Variants in ADAMTS18 observed in about 807,000 individuals in gnomAD.
ADAMTS18 encodes A disintegrin and metalloproteinase with thrombospondin motifs 18.
Under a neutral mutation model 165.9 loss-of-function variants are expected in ADAMTS18, and 157 were observed. That is an observed-to-expected ratio of 0.95 (90% CI 0.83 to 1.08). The LOEUF (loss-of-function observed/expected upper bound fraction) is 1.08. Ranked by LOEUF, ADAMTS18 falls within the 50% of genes least tolerant of loss-of-function variation. The pLI is 0.00. For missense variants in ADAMTS18, 2,040 were observed against 1,534.0 expected (o/e 1.33, Z -5.51); for synonymous variants, 782 against 578.2 (o/e 1.35, Z -5.06).
chr16:77,358,576 G>GA (rs2056666077), intron 8 of ADAMTS18, among the ~76,000 whole-genome samples: 1 of 152,018 alleles, frequency 6.6e-6, no homozygotes, highest in Admixed American at 6.6e-5. Flanking sequence ...AAAGAAAAAA[G>GA]ATAGCAGCAC....
chr16:77,333,200 C>A (rs962689589), intron 12 of ADAMTS18, among the ~76,000 whole-genome samples: 1 of 152,094 alleles, frequency 6.6e-6, no homozygotes, highest in African/African-American at 2.4e-5. Flanking sequence ...TCCCTCGGTG[C>A]ACATGGACTT....
chr16:77,428,313 T>C (rs1406781832), intron 3 of ADAMTS18, among the ~76,000 whole-genome samples: 1 of 152,174 alleles, frequency 6.6e-6, no homozygotes, highest in African/African-American at 2.4e-5. Flanking sequence ...GAATCATCTA[T>C]GATTCTGAAT....
intron 22 of ADAMTS18, among the ~76,000 whole-genome samples, chr16:77,287,916 C>A (rs764618739): frequency 2.0e-5 from 3 of 151,912 alleles, no homozygotes; most frequent in Non-Finnish European, 4.4e-5. Context: ...AGAACAGGAC[C>A]TTTTAAGAAT....
At chr16:77,318,984 A>G (rs2055937319) in intron 16 of ADAMTS18, among the ~76,000 whole-genome samples, 1 of 152,222 alleles carries the variant, frequency 6.6e-6, no homozygotes, top group African/African-American at 2.4e-5. Context: ...CATGAGGACT[A>G]AAGAAAATGT....
rs1043270677 is a variant in ADAMTS18, at chr16:77,379,026, T to G, written c.496-11303A>C. ...AAATTCTTACAGAAGTAACTGAAGATATTTAAAGACAGAAGAGAAACCATA... is the reference window on the plus strand; with the variant it reads ...AAATTCTTACAGAAGTAACTGAAGAGATTTAAAGACAGAAGAGAAACCATA... On this transcript the variant is annotated intron_variant, in intron 3 of 22. Transcript: ENST00000282849. 4.7e-5 allele frequency: 7 copies of G among 149,142 alleles called. No individual in the cohort carries two copies. In the Admixed American group the frequency reaches 4.9e-4, roughly 10 times the overall value. The allele number at this position is 149,142 out of a possible 1,614,324, so 9.2% of individuals were successfully genotyped here.
intron 4 of ADAMTS18, among the ~76,000 whole-genome samples, chr16:77,365,136 C>A (rs909006053): frequency 1.3e-5 from 2 of 151,798 alleles, no homozygotes; most frequent in Non-Finnish European, 2.9e-5. Context: ...ACGCATTTAC[C>A]TTTAAGATAG....
At chr16:77,322,294 A>G in intron 14 of ADAMTS18, 42 bp downstream of exon 14, 1 of 1,611,800 alleles carries the variant, frequency 6.2e-7, no homozygotes, top group Non-Finnish European at 8.5e-7. Context: ...ATGATAAAAC[A>G]CAAGCATGCT....
At chr16:77,389,304 C>CA (rs2057153297) in intron 3 of ADAMTS18, among the ~76,000 whole-genome samples, 1 of 152,034 alleles carries the variant, frequency 6.6e-6, no homozygotes, top group Admixed American at 6.6e-5. Context: ...GACTTTATCT[C>CA]AAAAAACAAA....
rs147536901 is a variant in ADAMTS18 at position 77,407,256 on chromosome 16, T to C, written c.495+24039A>G. On this transcript the variant is annotated intron_variant, in intron 3 of 22. Transcript: ENST00000282849. Reference sequence around the variant, plus strand: ...TTCCATTTTAAATAGCATAAAAATATCAAACAGGCACGAATAACAATCTAA... The same window carrying C: ...TTCCATTTTAAATAGCATAAAAATACCAAACAGGCACGAATAACAATCTAA... Among the ~76,000 whole-genome samples, 255 of 152,150 alleles carry C rather than the reference T, an allele frequency of 1.7e-3. 2 individuals are homozygous for C. The highest frequency in any genetic ancestry group is 6.0e-3 in the African/African-American group (251 of 41,536).
At chr16:77,344,058 C>CAA (rs1024445327) in intron 10 of ADAMTS18, among the ~76,000 whole-genome samples, 3 of 135,004 alleles carry the variant, frequency 2.2e-5, no homozygotes, top group Non-Finnish European at 3.2e-5. Context: ...CACAAACACT[C>CAA]AAAAAAAAAA....
intron 3 of ADAMTS18, among the ~76,000 whole-genome samples, chr16:77,410,517 G>C (rs1326859639): frequency 1.3e-5 from 2 of 152,128 alleles, no homozygotes; most frequent in Non-Finnish European, 2.9e-5. Context: ...AAAGATGGCA[G>C]TTTGAGAACT....
chr16:77,294,033 A>C (rs2144574230), intron 19 of ADAMTS18, among the ~76,000 whole-genome samples: 1 of 150,724 alleles, frequency 6.6e-6, no homozygotes, highest in South Asian at 2.1e-4. Flanking sequence ...ATTAATCAGA[A>C]AGCAGCACCC....
intron 16 of ADAMTS18, among the ~76,000 whole-genome samples, chr16:77,314,788 A>ATATATATATATATATATATATATATG (rs2055857442): frequency 1.1e-5 from 1 of 88,464 alleles, no homozygotes; most frequent in Non-Finnish European, 2.3e-5. Flanking sequence ...ATATATATAA[A>ATATATATATATATATATATATATATG]ATATATGTGA....
chr16:77,366,217 G>C (rs1287219805), intron 4 of ADAMTS18, among the ~76,000 whole-genome samples: 2 of 152,156 alleles, frequency 1.3e-5, no homozygotes, highest in African/African-American at 4.8e-5. Context: ...CAGCTACTGA[G>C]CCACAGAAGA....
intron 10 of ADAMTS18, among the ~76,000 whole-genome samples, chr16:77,347,023 G>C (rs1257233891): frequency 6.6e-6 from 1 of 152,116 alleles, no homozygotes; most frequent in African/African-American, 2.4e-5. Context: ...GGTGAGTGTT[G>C]CCTATTCTCT....
intron 12 of ADAMTS18, among the ~76,000 whole-genome samples, chr16:77,332,626 T>G (rs2056208260): frequency 6.6e-6 from 1 of 152,172 alleles, no homozygotes; most frequent in Admixed American, 6.5e-5. Context: ...CTGGGCTCTG[T>G]CTACATCATT....
chr16:77,432,684 C>A (rs752784465), intron 2 of ADAMTS18, among the ~76,000 whole-genome samples: 7 of 152,070 alleles, frequency 4.6e-5, no homozygotes, highest in Admixed American at 2.0e-4. Flanking sequence ...ATGTTTGAGT[C>A]ACTTGGGTCC....
In ADAMTS18 at chr16:77,321,106, G is replaced by A; in HGVS notation, c.2260C>T (p.Leu754=). Residue 754 remains leucine (L), a synonymous_variant, in exon 15 of 23, where the codon CTG becomes TTG. Transcript: ENST00000282849. ...DNSTCKFYKG[L]YLNQHKANEY... Reference sequence around the variant, plus strand: ...TTTGCTTTATGCTGGTTGAGGTACAGGCCTTTATAAAACTTGCAAGTTGAA... The same window carrying A: ...TTTGCTTTATGCTGGTTGAGGTACAAGCCTTTATAAAACTTGCAAGTTGAA... The A allele has an allele frequency of 3.1e-6, 5 of 1,614,174 alleles. No homozygotes were observed. Among genetic ancestry groups the A allele is most frequent in the Non-Finnish European group, 4.2e-6 (5 of 1,180,028 alleles).
chr16:77,373,584 G>T (rs1246631956), intron 3 of ADAMTS18, among the ~76,000 whole-genome samples: 2 of 152,062 alleles, frequency 1.3e-5, no homozygotes, highest in African/African-American at 4.8e-5. Flanking sequence ...TGGAGATGAG[G>T]GATAAAAGTG....
Sources: allele counts gnomAD v4.1 joint callset (sites outside exome capture counted in the v4.1 genomes callset), GRCh38; gene constraint gnomAD v4.1.1; transcripts MANE v1.5; gene names NCBI Gene and HGNC (gene_info 2026-07-23, HGNC 2026-07-21).